The following TMC7 variants were observed in gnomAD, a reference collection of about 807,000 sequenced individuals.
TMC7 encodes the protein transmembrane channel like 7.
TMC7 carries 54 observed loss-of-function variants against 82.9 expected under a neutral mutation model. The observed-to-expected ratio is 0.65, with a 90% CI of 0.52 to 0.82. The LOEUF is 0.82. Ranked by LOEUF, TMC7 falls within the 40% of genes least tolerant of loss-of-function variation. TMC7 has a pLI of 0.00. For missense variants in TMC7, 820 were observed against 901.2 expected (o/e 0.91, Z 1.15); for synonymous variants, 350 against 337.9 (o/e 1.04, Z -0.39).
intron 2 of TMC7, among the ~76,000 whole-genome samples, chr16:19,013,989 G>C (rs1204889904): frequency 6.6e-6 from 1 of 151,640 alleles, no homozygotes; most frequent in Non-Finnish European, 1.5e-5. Flanking sequence ...AAGTAGCTGG[G>C]ACTACAGGTG....
intron 1 of TMC7, among the ~76,000 whole-genome samples, chr16:19,001,792 G>C (rs2039145617): frequency 6.6e-6 from 1 of 152,198 alleles, no homozygotes; most frequent in South Asian, 2.1e-4. Context: ...GCTCATCAAA[G>C]CACAGAGCAA....
At chr16:19,052,090 C>T (rs573961608) in intron 13 of TMC7, among the ~76,000 whole-genome samples, 1 of 152,022 alleles carries the variant, frequency 6.6e-6, no homozygotes. Context: ...TCCACTATGC[C>T]CAGCTGATTT....
At chr16:19,052,380 A>G (rs2142306025) in intron 13 of TMC7, among the ~76,000 whole-genome samples, 1 of 152,276 alleles carries the variant, frequency 6.6e-6, no homozygotes, top group East Asian at 1.9e-4. Context: ...ATTTTTCTGT[A>G]GAGACAAGGG....
chr16:19,016,000 G>A (rs757914603), intron 2 of TMC7, among the ~76,000 whole-genome samples: 4 of 152,156 alleles, frequency 2.6e-5, no homozygotes, highest in African/African-American at 7.2e-5. Flanking sequence ...TTTCCATAGC[G>A]GCGGCATTTT....
At position 18,983,995 on chromosome 16, in the gene TMC7, G is replaced by GGGA; in HGVS notation, c.-66_-64dup. 1.5e-6 allele frequency: 2 copies of GGGA among 1,348,938 alleles called. No homozygotes were observed. The highest frequency in any genetic ancestry group is 1.9e-6 in the Non-Finnish European group (2 of 1,055,856). The allele number at this position is 1,348,938 out of a possible 1,614,324, so 83.6% of individuals were successfully genotyped here. A position where few individuals can be genotyped will look rare whatever the true frequency, so the allele number is the denominator to read the frequency against. ...ATCCCGGCTCCGCGAGGGAAGGCCG[G>GGGA]GGAGGCGGCGGCGGCGGCGGCGGCT... On this transcript the variant is annotated 5_prime_UTR_variant, in exon 1 of 16. Coordinates refer to ENST00000304381, the MANE Select transcript of TMC7 (RefSeq NM_024847.4).
intron 14 of TMC7, among the ~76,000 whole-genome samples, chr16:19,058,853 G>A (rs531059793): frequency 4.6e-5 from 7 of 152,050 alleles, no homozygotes; most frequent in East Asian, 1.9e-4. Context: ...ACAGGCTCAC[G>A]CCACCATGTC....
In TMC7 at chr16:19,051,343, C is replaced by T. The variant is rs1198902727; in HGVS notation, c.1741-343C>T. Reference sequence around the variant, plus strand: ...TGTATACATGTGCCATGTTGTTGTGCTGCACCCATTAACTTGTCATTTAGC... The same window carrying T: ...TGTATACATGTGCCATGTTGTTGTGTTGCACCCATTAACTTGTCATTTAGC... On this transcript the variant is annotated intron_variant, in intron 12 of 15. Coordinates refer to ENST00000304381, the MANE Select transcript of TMC7 (RefSeq NM_024847.4). 2.2e-4 allele frequency among the ~76,000 whole-genome samples: 33 copies of T among 149,792 alleles called. No homozygotes were observed. The Admixed American group carries it at 2.2e-3, about 10-fold the overall frequency.
chr16:19,027,422 A>G (rs1960289243), intron 5 of TMC7, among the ~76,000 whole-genome samples: 1 of 152,042 alleles, frequency 6.6e-6, no homozygotes, highest in Non-Finnish European at 1.5e-5. Flanking sequence ...GGGAAACTGA[A>G]TTTTCATTTA....
Position 18,984,105 on chromosome 16 carries a change from C to G in TMC7, c.42C>G (p.Pro14=). The change falls in exon 1 of 16, where the codon CCC becomes CCG. Residue 14 remains proline, a synonymous_variant. Coordinates refer to ENST00000304381, the MANE Select transcript of TMC7 (RefSeq NM_024847.4). ...GCAGTGCGCTCCAGCCCGGCAGGCC[C>G]AGCCGGCAGCCGGCGGTCCATCCAG... is the stretch of plus-strand genomic sequence containing the variant. ...SSGSALQPGR[P]SRQPAVHPEN... is the part of the protein sequence containing the mutation. The G allele has an allele frequency of 2.0e-6, 3 of 1,503,288 alleles. No individual in the cohort carries two copies. The highest frequency in any genetic ancestry group is 2.6e-6 in the Non-Finnish European group (3 of 1,134,060). 93.1% of individuals were successfully genotyped at this position (1,503,288 alleles called of 1,614,324 possible). A position where few individuals can be genotyped will look rare whatever the true frequency, so the allele number is the denominator to read the frequency against.
chr16:19,023,362 A>G (rs1335210671), intron 5 of TMC7, among the ~76,000 whole-genome samples, 167 bp downstream of exon 5: 1 of 152,202 alleles, frequency 6.6e-6, no homozygotes, highest in East Asian at 1.9e-4. Context: ...AGAAAGAACA[A>G]TGTTCACCAT....
intron 1 of TMC7, chr16:18,984,614 C>T: frequency 2.7e-6 from 2 of 747,882 alleles, no homozygotes; most frequent in Non-Finnish European, 3.3e-6. Flanking sequence ...GCCTCAGATC[C>T]TTCAGCAGTA....
chr16:19,002,682 C>T (rs535998819), intron 1 of TMC7, among the ~76,000 whole-genome samples: 10 of 152,214 alleles, frequency 6.6e-5, no homozygotes, highest in Non-Finnish European at 1.2e-4. Context: ...CAGTCATCCT[C>T]CTACCTAAGT....
intron 1 of TMC7, among the ~76,000 whole-genome samples, chr16:19,004,303 A>T (rs1340088332): frequency 6.6e-6 from 1 of 152,134 alleles, no homozygotes; most frequent in Non-Finnish European, 1.5e-5. Context: ...TAGGTGGTGT[A>T]TGAAAAACAG....
At chr16:18,990,493 C>T (rs1317237505) in intron 1 of TMC7, among the ~76,000 whole-genome samples, 1 of 152,188 alleles carries the variant, frequency 6.6e-6, no homozygotes, top group Non-Finnish European at 1.5e-5. Flanking sequence ...CAGGGTTTCA[C>T]CAGATTGGCC....
At chr16:19,053,698 C>T (rs1450438676) in intron 13 of TMC7, among the ~76,000 whole-genome samples, 3 of 150,094 alleles carry the variant, frequency 2.0e-5, no homozygotes, top group East Asian at 2.0e-4. Flanking sequence ...CCACTGTGCT[C>T]GGCCTGATTT....
intron 9 of TMC7, among the ~76,000 whole-genome samples, chr16:19,043,282 C>T (rs1283671486): frequency 6.6e-6 from 1 of 152,134 alleles, no homozygotes; most frequent in Non-Finnish European, 1.5e-5. Flanking sequence ...CATCCCGCGA[C>T]CCTGATACAG....
At chr16:18,987,947 C>T (rs1274482844) in intron 1 of TMC7, among the ~76,000 whole-genome samples, 32 of 152,112 alleles carry the variant, frequency 2.1e-4, no homozygotes, top group African/African-American at 4.1e-4. Flanking sequence ...CTACTTGGAA[C>T]GGTAGAGGCA....
chr16:18,984,425 G>A (rs1375508643), intron 1 of TMC7: 2 of 1,218,846 alleles, frequency 1.6e-6, no homozygotes, highest in Non-Finnish European at 2.0e-6. Context: ...TCTTTCAATA[G>A]CCTCATCTGC....
At chr16:19,019,130 G>A (rs150100677) in intron 3 of TMC7, among the ~76,000 whole-genome samples, 2,627 of 152,322 alleles carry the variant, frequency 0.017, 41 homozygotes, top group Non-Finnish European at 0.028. Context: ...GATTACAGGC[G>A]TGAGCCACCA....
Sources: allele counts gnomAD v4.1 joint callset (sites outside exome capture counted in the v4.1 genomes callset), GRCh38; gene constraint gnomAD v4.1.1; transcripts MANE v1.5; gene names NCBI Gene and HGNC (gene_info 2026-07-23, HGNC 2026-07-21).